Variants in METTL8 observed in about 807,000 individuals in gnomAD.
METTL8 encodes the protein tRNA N(3)-cytidine methyltransferase METTL8, mitochondrial.
In METTL8, 32 loss-of-function variants were observed where a neutral mutation model predicts 48.7. The ratio of observed to expected loss-of-function variants is 0.66; its 90% CI spans 0.50 to 0.88. The LOEUF (loss-of-function observed/expected upper bound fraction) is 0.88, where lower values mean the gene tolerates loss of function less well. METTL8 is among the 40% of genes least tolerant of loss of function. The pLI, the probability that METTL8 is intolerant of heterozygous loss-of-function variation, is 0.00. For synonymous variants in METTL8, 136 were observed against 157.1 expected, an observed-to-expected ratio of 0.87 and a Z score of 1.01; for missense variants, 464 against 474.4, an observed-to-expected ratio of 0.98 and a Z score of 0.20.
At chr2:171,429,513 C>G (rs1692761733) in intron 1 of METTL8, among the ~76,000 whole-genome samples, 1 of 152,134 alleles carries the variant, frequency 6.6e-6, no homozygotes, top group Non-Finnish European at 1.5e-5. Context: ...TCTCATTGCT[C>G]ACAATCATTT....
chr2:171,365,543 A>T (rs1055367552), intron 2 of METTL8, among the ~76,000 whole-genome samples: 1 of 152,220 alleles, frequency 6.6e-6, no homozygotes, highest in South Asian at 2.1e-4. Flanking sequence ...ACTCTTATTC[A>T]GTTTCTTTCT....
intron 5 of METTL8, among the ~76,000 whole-genome samples, chr2:171,334,360 T>C (rs1353397084): frequency 6.6e-6 from 1 of 152,178 alleles, no homozygotes; most frequent in Non-Finnish European, 1.5e-5. Context: ...CCAGTGACTT[T>C]CCAGAACCTT....
chr2:171,381,202 T>C (rs1432523514), intron 2 of METTL8, among the ~76,000 whole-genome samples: 1 of 152,206 alleles, frequency 6.6e-6, no homozygotes, highest in East Asian at 1.9e-4. Context: ...TGGCTAGCCA[T>C]ATGCAGAAAA....
intron 1 of METTL8, among the ~76,000 whole-genome samples, chr2:171,423,094 C>T (rs1449285519): frequency 6.6e-6 from 1 of 152,128 alleles, no homozygotes; most frequent in Non-Finnish European, 1.5e-5. Flanking sequence ...GGGGCTTCTC[C>T]CCTGCTTCAC....
In METTL8 at chr2:171,425,969, C is replaced by T. The variant is rs563014592; in HGVS notation, c.-13+7914G>A. On this transcript the variant is annotated intron_variant, in intron 1 of 9. Transcript: ENST00000375258. ...GTCAGGTGTTCGAGACCAGCCTAGC[C>T]AACATAGTGAAATCTCATCTCTACT... 7.9e-5 allele frequency among the ~76,000 whole-genome samples: 12 copies of T among 152,120 alleles called. No individual in the cohort carries two copies. In the East Asian group the frequency reaches 2.3e-3, roughly 29 times the overall value.
chr2:171,320,586 G>A lies in METTL8; in HGVS notation c.*3586C>T, dbSNP rs1421443967. 6.6e-6 allele frequency: 1 copy of A among 152,212 alleles called. No individual in the cohort carries two copies. The highest frequency in any genetic ancestry group is 1.5e-5 in the Non-Finnish European group (1 of 68,034). 9.4% of individuals were successfully genotyped at this position (152,212 alleles called of 1,614,324 possible). On this transcript the variant is annotated 3_prime_UTR_variant, in exon 10 of 10. Coordinates refer to ENST00000375258, the MANE Select transcript of METTL8 (RefSeq NM_001321154.2). ...AAGGAGATCTGCTGGGGTTCCCATA[G>A]CAACATTAACTTATCTAAACTGCCC...
intron 1 of METTL8, among the ~76,000 whole-genome samples, chr2:171,407,781 G>C (rs1001274863): frequency 3.3e-5 from 5 of 152,208 alleles, no homozygotes; most frequent in African/African-American, 1.2e-4. Context: ...ACTGCTACTT[G>C]ATTTCAGTGT....
At chr2:171,373,157 C>T (rs1686548768) in intron 2 of METTL8, among the ~76,000 whole-genome samples, 1 of 152,158 alleles carries the variant, frequency 6.6e-6, no homozygotes, top group Non-Finnish European at 1.5e-5. Flanking sequence ...TGTTTCCTGA[C>T]TTTTTAATGA....
chr2:171,422,490 C>G (rs578233313), intron 1 of METTL8, among the ~76,000 whole-genome samples: 3 of 152,202 alleles, frequency 2.0e-5, no homozygotes, highest in Non-Finnish European at 4.4e-5. Context: ...ACTTTTACCA[C>G]ATTTAATGTG....
At chr2:171,357,352 A>G (rs185361170) in intron 3 of METTL8, among the ~76,000 whole-genome samples, 3 of 152,324 alleles carry the variant, frequency 2.0e-5, no homozygotes, top group African/African-American at 7.2e-5. Flanking sequence ...TACAAAATAA[A>G]CACACAAAAA....
intron 2 of METTL8, among the ~76,000 whole-genome samples, chr2:171,385,377 A>G (rs1198722216): frequency 6.6e-6 from 1 of 152,138 alleles, no homozygotes; most frequent in Non-Finnish European, 1.5e-5. Flanking sequence ...AGGAAACACT[A>G]TTCTTAAATA....
At chr2:171,343,040 A>G (rs1378297437) in intron 3 of METTL8, among the ~76,000 whole-genome samples, 2 of 152,172 alleles carry the variant, frequency 1.3e-5, no homozygotes, top group Non-Finnish European at 2.9e-5. Context: ...TAGCAGTTCT[A>G]TTTATATTAG....
intron 2 of METTL8, among the ~76,000 whole-genome samples, chr2:171,367,562 G>A (rs564644547): frequency 3.3e-4 from 50 of 152,176 alleles, no homozygotes; most frequent in African/African-American, 1.0e-3. Context: ...GGGACCACAC[G>A]GAGTCTCAGA....
At chr2:171,433,496 C>A (rs1468369397) in intron 1 of METTL8, among the ~76,000 whole-genome samples, 1 of 152,150 alleles carries the variant, frequency 6.6e-6, no homozygotes, top group Non-Finnish European at 1.5e-5. Context: ...GGCGGTGGGA[C>A]ACATGTGGTG....
At chr2:171,335,270 A>G (rs1199576092) in intron 5 of METTL8, among the ~76,000 whole-genome samples, 1 of 152,200 alleles carries the variant, frequency 6.6e-6, no homozygotes, top group Non-Finnish European at 1.5e-5. Context: ...TAGGTTTATA[A>G]TAATATTAGA....
intron 3 of METTL8, among the ~76,000 whole-genome samples, chr2:171,354,349 C>T (rs1157784016): frequency 6.6e-6 from 1 of 152,176 alleles, no homozygotes; most frequent in African/African-American, 2.4e-5. Context: ...GATGGGTTAC[C>T]CTTTGTAGGT....
chr2:171,412,924 T>A (rs566339549), intron 1 of METTL8, among the ~76,000 whole-genome samples: 1 of 152,356 alleles, frequency 6.6e-6, no homozygotes, highest in Admixed American at 6.5e-5. Flanking sequence ...AAAACCTGTG[T>A]TCACCACTAT....
At chr2:171,360,029 C>T (rs1372918828) in intron 3 of METTL8, among the ~76,000 whole-genome samples, 1 of 152,190 alleles carries the variant, frequency 6.6e-6, no homozygotes, top group Non-Finnish European at 1.5e-5. Flanking sequence ...TATCCTAAAA[C>T]TTCAGCACCA....
chr2:171,415,922 G>A (rs986443858), intron 1 of METTL8, among the ~76,000 whole-genome samples: 1 of 152,160 alleles, frequency 6.6e-6, no homozygotes, highest in African/African-American at 2.4e-5. Context: ...TATGGATGCT[G>A]ATTAAGGTGG....
Sources: gnomAD v4.1 joint callset for allele counts (sites outside exome capture counted in the v4.1 genomes callset) on GRCh38, gnomAD v4.1.1 for gene constraint, MANE v1.5 for transcripts, NCBI Gene and HGNC (gene_info 2026-07-23, HGNC 2026-07-21) for gene names.